The following SCD5 variants were observed in gnomAD, a reference collection of about 807,000 sequenced individuals.
SCD5 encodes stearoyl-CoA desaturase 5.
In SCD5, 20 loss-of-function variants were observed where a neutral mutation model predicts 30.4. That is an observed-to-expected ratio of 0.66 (90% CI 0.46 to 0.96). The LOEUF (loss-of-function observed/expected upper bound fraction) is 0.96. Among genes scored for constraint, SCD5 ranks in the 40% least tolerant of loss-of-function variants. The pLI, the probability that SCD5 is intolerant of heterozygous loss-of-function variation, is 0.00. For synonymous variants in SCD5, 173 were observed against 176.4 expected (o/e 0.98, Z 0.16); for missense variants, 381 against 443.3 (o/e 0.86, Z 1.26).
At chr4:82,688,144 T>C (rs922706290) in intron 2 of SCD5, among the ~76,000 whole-genome samples, 1 of 152,198 alleles carries the variant, frequency 6.6e-6, no homozygotes. Context: ...TCTCAAAACA[T>C]AGCCAAAGGG....
At chr4:82,785,181 C>A (rs1252900854) in intron 1 of SCD5, among the ~76,000 whole-genome samples, 1 of 152,204 alleles carries the variant, frequency 6.6e-6, no homozygotes, top group African/African-American at 2.4e-5. Context: ...CTCCAAAATA[C>A]ACTACTCTGG....
At position 82,645,251 on chromosome 4, in the gene SCD5, T is replaced by C. The variant is rs1008279372; in HGVS notation, c.570-8428A>G. 3.3e-5 allele frequency among the ~76,000 whole-genome samples: 5 copies of C among 151,474 alleles called. No individual in the cohort carries two copies. The South Asian group carries it at 6.3e-4, about 19-fold the overall frequency. Reference sequence around the variant, plus strand: ...ATCGCTTGAACCCGGGAGGTGGAGATTGCAGTGAGCCGAGATTGTGCCACT... The same window carrying C: ...ATCGCTTGAACCCGGGAGGTGGAGACTGCAGTGAGCCGAGATTGTGCCACT... On this transcript the variant is annotated intron_variant, in intron 3 of 4. Coordinates refer to ENST00000319540, the MANE Select transcript of SCD5 (RefSeq NM_001037582.3).
At chr4:82,790,439 C>T (rs776621918) in intron 1 of SCD5, among the ~76,000 whole-genome samples, 64 of 152,312 alleles carry the variant, frequency 4.2e-4, no homozygotes, top group Non-Finnish European at 8.7e-4. Context: ...AGTTCTTGAG[C>T]TGCCCTGCCC....
chr4:82,658,072 T>C (rs1043318549), intron 3 of SCD5, among the ~76,000 whole-genome samples: 1 of 152,194 alleles, frequency 6.6e-6, no homozygotes, highest in African/African-American at 2.4e-5. Context: ...CTCTTCCTAT[T>C]TGAATACCCT....
At chr4:82,739,165 G>A (rs926462101) in intron 1 of SCD5, among the ~76,000 whole-genome samples, 2 of 152,188 alleles carry the variant, frequency 1.3e-5, no homozygotes, top group African/African-American at 4.8e-5. Context: ...CTAAGTACCT[G>A]TTCTTGTCCT....
chr4:82,736,886 G>A (rs966270351), intron 1 of SCD5, among the ~76,000 whole-genome samples: 3 of 152,064 alleles, frequency 2.0e-5, no homozygotes, highest in South Asian at 2.1e-4. Context: ...GGCTAGTCTC[G>A]AACTCTTGGG....
intron 2 of SCD5, among the ~76,000 whole-genome samples, chr4:82,689,690 A>C (rs1728789942): frequency 6.6e-6 from 1 of 152,248 alleles, no homozygotes; most frequent in South Asian, 2.1e-4. Flanking sequence ...GATGAAGATA[A>C]AATATTCATA....
In SCD5 at chr4:82,631,471, A is replaced by C; in HGVS notation, c.849T>G (p.Ser283=). The C allele has an allele frequency of 6.2e-7, 1 of 1,614,238 alleles. No homozygotes were observed. The highest frequency in any genetic ancestry group is 8.5e-7 in the Non-Finnish European group (1 of 1,180,050). The change falls in exon 5 of 5, where the codon TCT becomes TCG. Residue 283 remains serine (S), a synonymous_variant. Coordinates refer to ENST00000319540, the MANE Select transcript of SCD5 (RefSeq NM_001037582.3). ...NYHHTFPFDY[S]ASEFGLNFNP... ...TAAAATTTAAGCCAAATTCACTCGC[A>C]GAGTAGTCAAAGGGAAAGGTGTGAT...
At chr4:82,766,213 A>G (rs958051511) in intron 1 of SCD5, among the ~76,000 whole-genome samples, 18 of 152,168 alleles carry the variant, frequency 1.2e-4, no homozygotes, top group Non-Finnish European at 2.9e-5. Flanking sequence ...TGTGGACTCC[A>G]TTACACTCAT....
At chr4:82,686,477 T>C (rs1348007871) in intron 2 of SCD5, among the ~76,000 whole-genome samples, 1 of 152,220 alleles carries the variant, frequency 6.6e-6, no homozygotes, top group Non-Finnish European at 1.5e-5. Context: ...CATCTAACAA[T>C]TCACTTTCTG....
At position 82,636,187 on chromosome 4, in the gene SCD5, CA is replaced by C. The variant is rs1375372654; in HGVS notation, c.802+403del. On this transcript the variant is annotated intron_variant, in intron 4 of 4. Transcript: ENST00000319540. ...TGTCCAAGAGTCAGGATCCTAAAGC[CA>C]AAGCTCCTCTGGCAGGCCAAGGAGG... Among the ~76,000 whole-genome samples, 4 of 152,028 alleles carry C rather than the reference CA, an allele frequency of 2.6e-5. No individual in the cohort carries two copies. In the East Asian group the frequency reaches 7.7e-4, roughly 29 times the overall value.
At chr4:82,696,942 G>A (rs917360927) in intron 2 of SCD5, among the ~76,000 whole-genome samples, 2 of 152,184 alleles carry the variant, frequency 1.3e-5, no homozygotes, top group African/African-American at 4.8e-5. Flanking sequence ...TCAGACATTT[G>A]GGCCTTAGTT....
intron 2 of SCD5, 94 bp downstream of exon 2, chr4:82,705,189 A>G: frequency 2.0e-6 from 3 of 1,489,016 alleles, no homozygotes; most frequent in Middle Eastern, 3.9e-4. Flanking sequence ...TGAGTCTAGG[A>G]CAGGGGTGGA....
At position 82,728,343 on chromosome 4, in the gene SCD5, G is replaced by C. The variant is rs547283535; in HGVS notation, c.233-22930C>G. Among the ~76,000 whole-genome samples, 3 of 152,212 alleles carry C rather than the reference G, an allele frequency of 2.0e-5. No homozygotes were observed. In the South Asian group the frequency reaches 6.2e-4, roughly 32 times the overall value. ...TTACCTTAAAGCAAAGATGATAATA[G>C]CCCTTCCCAAAACTAAATTGCCTTT... On this transcript the variant is annotated intron_variant, in intron 1 of 4. Coordinates refer to ENST00000319540, the MANE Select transcript of SCD5 (RefSeq NM_001037582.3).
chr4:82,698,955 C>A (rs555735548), intron 2 of SCD5, among the ~76,000 whole-genome samples: 2 of 152,170 alleles, frequency 1.3e-5, no homozygotes, highest in Non-Finnish European at 2.9e-5. Context: ...GGACAGGGAC[C>A]TTGTCTGTCT....
In SCD5 at chr4:82,798,459, A is replaced by G. The variant is rs374853553; in HGVS notation, c.79T>C (p.Ser27Pro). 48 of 1,612,710 alleles carry G rather than the reference A, an allele frequency of 3.0e-5. No homozygotes were observed. Among genetic ancestry groups the G allele is most frequent in the Non-Finnish European group, 3.9e-5 (46 of 1,179,498 alleles). The stretch of plus-strand genomic sequence containing the variant: ...CTCTCCGGGCCGCCGCCGCCCTCAG[A>G]GCTTTCGAGCCCGGCACGGATTTCT... ...KEEIRAGLES[S>P]EGGGGPERPG... The change falls in exon 1 of 5, where the codon TCT becomes CCT. Residue 27 changes from serine to proline, a missense_variant. Coordinates refer to ENST00000319540, the MANE Select transcript of SCD5 (RefSeq NM_001037582.3).
At chr4:82,761,749 G>A (rs1162821585) in intron 1 of SCD5, among the ~76,000 whole-genome samples, 2 of 147,646 alleles carry the variant, frequency 1.4e-5, no homozygotes, top group African/African-American at 5.1e-5. Flanking sequence ...CCCCACAACA[G>A]TCCCCAGAGT....
At chr4:82,777,443 G>T (rs1721766359) in intron 1 of SCD5, among the ~76,000 whole-genome samples, 1 of 152,190 alleles carries the variant, frequency 6.6e-6, no homozygotes, top group South Asian at 2.1e-4. Flanking sequence ...CAATTCCCTG[G>T]GAAACAGGTG....
chr4:82,694,980 G>A (rs975628073), intron 2 of SCD5, among the ~76,000 whole-genome samples: 4 of 133,422 alleles, frequency 3.0e-5, no homozygotes, highest in African/African-American at 1.3e-4. Context: ...CTTATCACTG[G>A]TCATTCAGAA....
Sources: gnomAD v4.1 joint callset for allele counts (sites outside exome capture counted in the v4.1 genomes callset) on GRCh38, gnomAD v4.1.1 for gene constraint, MANE v1.5 for transcripts, NCBI Gene and HGNC (gene_info 2026-07-23, HGNC 2026-07-21) for gene names.